SOX6: variants seen among roughly 807,000 people sequenced by gnomAD.
SOX6 encodes the protein transcription factor SOX-6.
A neutral mutation model predicts 97.8 loss-of-function variants in SOX6; 11 were observed. The ratio of observed to expected loss-of-function variants is 0.11; its 90% CI spans 0.07 to 0.19. The LOEUF is 0.19. SOX6 is among the 10% of genes least tolerant of loss of function. SOX6 has a pLI of 1.00. For synonymous variants in SOX6, 360 were observed against 371.4 expected (o/e 0.97, Z 0.35); for missense variants, 810 against 1,039.5 (o/e 0.78, Z 3.04).
chr11:16,432,927 C>A (rs764004634), intron 1 of SOX6, among the ~76,000 whole-genome samples: 1 of 152,014 alleles, frequency 6.6e-6, no homozygotes, highest in East Asian at 1.9e-4. Flanking sequence ...AATATTAAAA[C>A]CATTTATTCA....
At chr11:16,402,854 C>A (rs1290750073) in intron 1 of SOX6, 13 of 1,541,730 alleles carry the variant, frequency 8.4e-6, no homozygotes, top group Non-Finnish European at 1.1e-5. Context: ...CCCCAATGGT[C>A]TCTCCTAACA....
Position 16,451,275 on chromosome 11 carries a change from A to G in SOX6, c.-5+25040T>C, listed in dbSNP as rs181151373. Among the ~76,000 whole-genome samples the G allele has an allele frequency of 3.3e-5, 5 of 152,238 alleles. No homozygotes were observed. In the South Asian group the frequency reaches 8.3e-4, roughly 25 times the overall value. ...AGGGGAGAACTTTCTCTGAGGTAGCATATATTATAACTGAATATATAATTA... is the reference window on the plus strand; with the variant it reads ...AGGGGAGAACTTTCTCTGAGGTAGCGTATATTATAACTGAATATATAATTA... On this transcript the variant is annotated intron_variant, in intron 1 of 15. Coordinates refer to the SOX6 transcript ENST00000396356.
intron 2 of SOX6, among the ~76,000 whole-genome samples, chr11:16,733,280 A>ATGT (rs1848364806): frequency 1.3e-5 from 2 of 152,224 alleles, no homozygotes; most frequent in Non-Finnish European, 2.9e-5. Flanking sequence ...ATGCACATGT[A>ATGT]TGTTTATTGG....
chr11:16,115,947 T>C (rs1849337223), intron 6 of SOX6, among the ~76,000 whole-genome samples: 1 of 152,222 alleles, frequency 6.6e-6, no homozygotes, highest in African/African-American at 2.4e-5. Context: ...GTATCTACCA[T>C]CATTAATTGT....
intron 4 of SOX6, among the ~76,000 whole-genome samples, chr11:16,560,452 CGT>C: frequency 7.0e-6 from 1 of 142,682 alleles, no homozygotes; most frequent in Non-Finnish European, 1.5e-5. Context: ...TATGTTTATA[CGT>C]ACATATATGT....
At chr11:16,542,675 C>T (rs999971449) in intron 4 of SOX6, among the ~76,000 whole-genome samples, 10 of 152,128 alleles carry the variant, frequency 6.6e-5, no homozygotes, top group Middle Eastern at 3.4e-3. Context: ...ATTAATTAAA[C>T]AGAAAATCAA....
intron 2 of SOX6, among the ~76,000 whole-genome samples, chr11:16,329,852 C>T (rs993601090): frequency 6.6e-6 from 1 of 152,042 alleles, no homozygotes; most frequent in Non-Finnish European, 1.5e-5. Flanking sequence ...GAGGGTTGTC[C>T]AAAATTCTTC....
chr11:16,272,307 G>GTT (rs2134231088), intron 3 of SOX6, among the ~76,000 whole-genome samples: 1 of 151,630 alleles, frequency 6.6e-6, no homozygotes, highest in African/African-American at 2.4e-5. Context: ...CCAAAAAAAG[G>GTT]GGGGAAGATG....
intron 3 of SOX6, among the ~76,000 whole-genome samples, chr11:16,632,573 A>G (rs1848724598): frequency 6.6e-6 from 1 of 152,158 alleles, no homozygotes; most frequent in African/African-American, 2.4e-5. Flanking sequence ...AGGGGCCACT[A>G]TGGGCAGGGT....
At chr11:16,017,138 T>C (rs1162042770) in intron 12 of SOX6, among the ~76,000 whole-genome samples, 1 of 152,064 alleles carries the variant, frequency 6.6e-6, no homozygotes. Flanking sequence ...TATCTTTTCT[T>C]TTATAAAAAA....
At chr11:16,701,880 C>T (rs1848097326) in intron 3 of SOX6, among the ~76,000 whole-genome samples, 1 of 150,050 alleles carries the variant, frequency 6.7e-6, no homozygotes, top group African/African-American at 2.5e-5. Context: ...GGCGACAGAG[C>T]AAGACTCCGT....
At chr11:16,461,875 A>G (rs886555195) in intron 1 of SOX6, among the ~76,000 whole-genome samples, 2 of 152,120 alleles carry the variant, frequency 1.3e-5, no homozygotes, top group Non-Finnish European at 2.9e-5. Flanking sequence ...TCACTTAGAC[A>G]CTAGCGACAC....
chr11:16,092,374 TGG>T (rs1299750658), intron 9 of SOX6, among the ~76,000 whole-genome samples: 8 of 152,034 alleles, frequency 5.3e-5, no homozygotes, highest in Non-Finnish European at 1.2e-4. Flanking sequence ...TGGATGTGAC[TGG>T]TAAGTCTTAA....
At chr11:16,029,824 G>C (rs1014133091) in intron 12 of SOX6, among the ~76,000 whole-genome samples, 2 of 152,044 alleles carry the variant, frequency 1.3e-5, no homozygotes, top group Non-Finnish European at 2.9e-5. Flanking sequence ...CTTAAGAGAA[G>C]ATCATGAATA....
At chr11:16,150,783 A>G (rs1365415425) in intron 6 of SOX6, among the ~76,000 whole-genome samples, 1 of 152,124 alleles carries the variant, frequency 6.6e-6, no homozygotes, top group African/African-American at 2.4e-5. Context: ...CGATAGCTTT[A>G]TTGTTTAAAT....
intron 4 of SOX6, among the ~76,000 whole-genome samples, chr11:16,553,982 G>A (rs560271953): frequency 3.2e-4 from 49 of 152,106 alleles, no homozygotes; most frequent in Middle Eastern, 6.8e-3. Context: ...TGGTCAACGC[G>A]GCAGTTTAGA....
intron 14 of SOX6, among the ~76,000 whole-genome samples, chr11:15,987,801 T>C (rs1249882594): frequency 1.3e-5 from 2 of 151,808 alleles, no homozygotes; most frequent in African/African-American, 4.8e-5. Context: ...TATGCATAAC[T>C]CTGAAGCTCT....
At chr11:16,602,890 G>A (rs900104186) in intron 4 of SOX6, among the ~76,000 whole-genome samples, 1 of 152,076 alleles carries the variant, frequency 6.6e-6, no homozygotes, top group Non-Finnish European at 1.5e-5. Context: ...GCGTGGTGGC[G>A]TGTGCCTGTA....
chr11:16,524,317 G>T (rs1445888610), intron 4 of SOX6, among the ~76,000 whole-genome samples: 1 of 151,272 alleles, frequency 6.6e-6, no homozygotes, highest in African/African-American at 2.4e-5. Flanking sequence ...TGCAAGGCTG[G>T]TTCAATATAC....
Sources: allele counts gnomAD v4.1 joint callset (sites outside exome capture counted in the v4.1 genomes callset), GRCh38; gene constraint gnomAD v4.1.1; transcripts MANE v1.5; gene names NCBI Gene and HGNC (gene_info 2026-07-23, HGNC 2026-07-21).